Variants in CASK observed in about 807,000 individuals in gnomAD.
CASK encodes peripheral plasma membrane protein CASK.
A neutral mutation model predicts 82.9 loss-of-function variants in CASK; 4 were observed. The observed-to-expected ratio is 0.05, with a 90% CI of 0.02 to 0.11. The LOEUF (loss-of-function observed/expected upper bound fraction) is 0.11. CASK is among the 10% of genes least tolerant of loss of function. CASK has a pLI of 1.00. For missense variants in CASK, 358 were observed against 720.9 expected (o/e 0.50, Z 5.76); for synonymous variants, 259 against 253.5 (o/e 1.02, Z -0.20).
chrX:41,781,654 C>T (rs1205206975), intron 3 of CASK, among the ~76,000 whole-genome samples: 4 of 111,623 alleles, frequency 3.6e-5, no homozygotes, highest in Admixed American at 2.9e-4. Context: ...GCTTAGTCTA[C>T]GTAGCAGCTA....
intron 8 of CASK, among the ~76,000 whole-genome samples, chrX:41,638,925 G>A (rs192032462): frequency 1.8e-5 from 2 of 111,121 alleles, no homozygotes; most frequent in African/African-American, 6.5e-5. Context: ...ATAACAGTGA[G>A]GTTTGGCTTC....
chrX:41,849,586 C>T (rs1158710256), intron 2 of CASK, among the ~76,000 whole-genome samples: 2 of 111,435 alleles, frequency 1.8e-5, no homozygotes, highest in African/African-American at 3.3e-5. Context: ...GAATAATATG[C>T]CTTTTTAGGA....
chrX:41,818,645 A>G lies in CASK; in HGVS notation c.173-31362T>C, dbSNP rs140119349. ...AAAGACACATAAAATTACAGTAATC[A>G]AGATAGTGTGGTATTACCCTAAAGA... On this transcript the variant is annotated intron_variant, in intron 2 of 26. Transcript: ENST00000378163. 8.5e-3 allele frequency among the ~76,000 whole-genome samples: 938 copies of G among 110,987 alleles called. 14 individuals are homozygous for G. The highest frequency in any genetic ancestry group is 0.03 in the African/African-American group (905 of 30,519).
At chrX:41,800,705 A>G (rs2069977551) in intron 2 of CASK, among the ~76,000 whole-genome samples, 1 of 100,620 alleles carries the variant, frequency 9.9e-6, no homozygotes, top group East Asian at 3.2e-4. Context: ...TCCTGTGTCC[A>G]TGTGTTCTCA....
chrX:41,779,321 C>A (rs2069425825), intron 3 of CASK, among the ~76,000 whole-genome samples: 1 of 112,313 alleles, frequency 8.9e-6, no homozygotes, highest in African/African-American at 3.2e-5. Flanking sequence ...TGTGTTGTCA[C>A]AACTCATTGC....
intron 1 of CASK, among the ~76,000 whole-genome samples, chrX:41,858,054 A>C (rs1181974696): frequency 8.9e-6 from 1 of 112,628 alleles, no homozygotes; most frequent in East Asian, 2.8e-4. Context: ...ATTACTTGCC[A>C]TGCACACTTT....
At chrX:41,824,235 T>G (rs952448027) in intron 2 of CASK, among the ~76,000 whole-genome samples, 2 of 112,069 alleles carry the variant, frequency 1.8e-5, no homozygotes, top group Non-Finnish European at 1.9e-5. Flanking sequence ...CCAAGTATAA[T>G]GAATGAGGTT....
intron 3 of CASK, among the ~76,000 whole-genome samples, chrX:41,762,391 A>C: frequency 8.9e-6 from 1 of 111,771 alleles, no homozygotes. Context: ...AATGCCTCCT[A>C]AACTCTTATT....
Position 41,534,777 on chromosome X carries a change from C to T in CASK, c.2246G>A (p.Gly749Asp). ...GTTTTTTATGTGTCTTCTCCCAACA[C>T]CATGTGCGCCTATGTCATTTAGAAA... ...RKTLVLLGAH[G>D]VGRRHIKNTL... The change falls in exon 24 of 27, where the codon GGT becomes GAT. Residue 749 changes from glycine to aspartate, a missense_variant. Transcript: ENST00000378163. 8.3e-7 allele frequency: 1 copy of T among 1,204,327 alleles called. No individual in the cohort carries two copies. The highest frequency in any genetic ancestry group is 1.8e-5 in the South Asian group (1 of 56,844).
At chrX:41,601,513 G>A (rs2147260061) in intron 12 of CASK, among the ~76,000 whole-genome samples, 1 of 111,642 alleles carries the variant, frequency 9.0e-6, no homozygotes, top group African/African-American at 3.2e-5. Context: ...CAGTTCTTGG[G>A]AGAAAAAACC....
intron 21 of CASK, among the ~76,000 whole-genome samples, chrX:41,551,553 G>A (rs779695805): frequency 1.6e-4 from 18 of 110,906 alleles, no homozygotes; most frequent in Admixed American, 1.2e-3. Flanking sequence ...GGGCCACTTG[G>A]TAACTCTGAT....
At position 41,727,290 on chromosome X, in the gene CASK, C is replaced by T. The variant is rs765104996; in HGVS notation, c.429+12094G>A. On this transcript the variant is annotated intron_variant, in intron 5 of 26. Transcript: ENST00000378163. ...AATGGGAATATCAATCTGCTCAATGCAGAGTGGTCAATTTTCTGGGAACTC... is the reference window on the plus strand; with the variant it reads ...AATGGGAATATCAATCTGCTCAATGTAGAGTGGTCAATTTTCTGGGAACTC... The T allele has an allele frequency of 2.5e-6, 3 of 1,209,320 alleles. No individual in the cohort carries two copies. The highest frequency in any genetic ancestry group is 3.4e-6 in the Non-Finnish European group (3 of 893,233).
At chrX:41,554,831 G>A (rs748438962) in intron 20 of CASK, among the ~76,000 whole-genome samples, 2 of 111,782 alleles carry the variant, frequency 1.8e-5, no homozygotes, top group South Asian at 7.3e-4. Flanking sequence ...CACTAAATCT[G>A]ATTATTTTTA....
intron 2 of CASK, among the ~76,000 whole-genome samples, chrX:41,815,093 T>C (rs1461074663): frequency 9.1e-6 from 1 of 110,445 alleles, no homozygotes; most frequent in East Asian, 2.8e-4. Flanking sequence ...CAGGAGAGGG[T>C]ACTGAAAAGA....
intron 18 of CASK, 52 bp downstream of exon 18, chrX:41,559,727 A>G (rs1253377659): frequency 1.9e-6 from 2 of 1,042,314 alleles, no homozygotes; most frequent in Admixed American, 4.4e-5. Flanking sequence ...CCATCAGCAG[A>G]CAGTTAGTTA....
At chrX:41,827,608 A>C (rs992450506) in intron 2 of CASK, among the ~76,000 whole-genome samples, 1 of 112,174 alleles carries the variant, frequency 8.9e-6, no homozygotes, top group Non-Finnish European at 1.9e-5. Flanking sequence ...GGGGGACATA[A>C]ACATTCAGAC....
In CASK at chrX:41,516,686, G is replaced by T. The variant is rs2064554731; in HGVS notation, c.*3734C>A. On this transcript the variant is annotated 3_prime_UTR_variant, in exon 27 of 27. Transcript: ENST00000378163. ...GTTTGATAATAGGAAGCAAGAAGGA[G>T]GAGGGATGAGGATGACAAGGAGCTT... 1 of 111,388 alleles carries T rather than the reference G, an allele frequency of 9.0e-6. No individual in the cohort carries two copies. The allele number at this position is 111,388 out of a possible 1,213,427, so 9.2% of individuals were successfully genotyped here. A position where few individuals can be genotyped will look rare whatever the true frequency, so the allele number is the denominator to read the frequency against.
At chrX:41,676,417 C>T in intron 5 of CASK, 1 of 1,197,962 alleles carries the variant, frequency 8.3e-7, no homozygotes, top group East Asian at 3.0e-5. Context: ...TTACAGACTT[C>T]ATGCAGGCTG....
intron 2 of CASK, among the ~76,000 whole-genome samples, chrX:41,789,120 G>A (rs1209123578): frequency 1.8e-5 from 2 of 111,357 alleles, no homozygotes; most frequent in Non-Finnish European, 3.8e-5. Context: ...AAGAAATAGC[G>A]GGGTCAAGAG....
Sources: gnomAD v4.1 joint callset for allele counts (sites outside exome capture counted in the v4.1 genomes callset) on GRCh38, gnomAD v4.1.1 for gene constraint, MANE v1.5 for transcripts, NCBI Gene and HGNC (gene_info 2026-07-23, HGNC 2026-07-21) for gene names.